Variants in GLUD1 observed in about 807,000 individuals in gnomAD.
The protein encoded by GLUD1 is glutamate dehydrogenase 1.
In GLUD1, 22 loss-of-function variants were observed where a neutral mutation model predicts 56.0. The observed-to-expected ratio is 0.39, with a 90% CI of 0.28 to 0.56. GLUD1 has a LOEUF of 0.56. Among genes scored for constraint, GLUD1 ranks in the 20% least tolerant of loss-of-function variants. The probability of loss-of-function intolerance (pLI) is 0.58; values close to 1 mark genes in which losing one functional copy is unlikely to be tolerated. For synonymous variants in GLUD1, 223 were observed against 269.9 expected, an observed-to-expected ratio of 0.83 and a Z score of 1.70; for missense variants, 451 against 732.0, an observed-to-expected ratio of 0.62 and a Z score of 4.43.
rs1033930681 is a variant in GLUD1 at position 87,051,835 on chromosome 10, T to A, written c.1593A>T (p.Gly531=). 6 of 1,614,074 alleles carry A rather than the reference T, an allele frequency of 3.7e-6. No individual in the cohort carries two copies. The Admixed American group carries it at 8.3e-5, about 22-fold the overall frequency. ...IMRTAMKYNL[G]LDLRTAAYVN... The stretch of plus-strand genomic sequence containing the variant: ...CATAGGCAGCTGTTCTCAGGTCCAA[T>A]CCCAGGTTATACTTCATGGCTGTGC... Residue 531 remains glycine (G), a synonymous_variant, in exon 13 of 13, where the codon GGA becomes GGT. Transcript: ENST00000277865.
intron 1 of GLUD1, among the ~76,000 whole-genome samples, chr10:87,086,125 G>A (rs1233036215): frequency 6.6e-6 from 1 of 152,186 alleles, no homozygotes; most frequent in Non-Finnish European, 1.5e-5. Flanking sequence ...GAATCCTAGG[G>A]AGGGGGAAGT....
chr10:87,094,098 G>A lies in GLUD1; in HGVS notation c.445+227C>T, dbSNP rs968180348. 1.3e-6 allele frequency: 2 copies of A among 1,507,886 alleles called. No homozygotes were observed. The highest frequency in any genetic ancestry group is 2.4e-5 in the South Asian group (2 of 82,348). 93.4% of individuals were successfully genotyped at this position (1,507,886 alleles called of 1,614,324 possible). On this transcript the variant is annotated intron_variant, in intron 1 of 12. Coordinates refer to ENST00000277865, the MANE Select transcript of GLUD1 (RefSeq NM_005271.5). This position sits in a 1 kb window ranked among gnomAD's most constrained non-coding sequence, Gnocchi z 6.6. Reference sequence around the variant, plus strand: ...AAGATCAGCATATACAGAGGCCCGGGGTGACGGCGCGGGGGAGGGGGCAGG... The same window carrying A: ...AAGATCAGCATATACAGAGGCCCGGAGTGACGGCGCGGGGGAGGGGGCAGG...
In GLUD1 at chr10:87,086,321, C is replaced by G. The variant is rs116443411; in HGVS notation, c.445+8004G>C. Among the ~76,000 whole-genome samples the G allele has an allele frequency of 3.0e-3, 451 of 152,306 alleles. 2 individuals are homozygous for G. Among genetic ancestry groups the G allele is most frequent in the African/African-American group, 0.01 (419 of 41,564 alleles). On this transcript the variant is annotated intron_variant, in intron 1 of 12. Transcript: ENST00000277865. The stretch of plus-strand genomic sequence containing the variant: ...CATTTTTTTCTACCAGTCTCTCAGG[C>G]TAGAAATTTTGTGGTTATCTTTGCC...
rs1336874496 is a variant in GLUD1 at position 87,057,798 on chromosome 10, A to G, written c.1403-16T>C. 2.4e-6 allele frequency: 3 copies of G among 1,243,214 alleles called. No homozygotes were observed. Among genetic ancestry groups the G allele is most frequent in the Non-Finnish European group, 3.6e-6 (3 of 842,340 alleles). 77.0% of individuals were successfully genotyped at this position (1,243,214 alleles called of 1,614,324 possible). A position where few individuals can be genotyped will look rare whatever the true frequency, so the allele number is the denominator to read the frequency against. On this transcript the variant is annotated splice_polypyrimidine_tract_variant and intron_variant, in intron 10 of 12. Coordinates refer to ENST00000277865, the MANE Select transcript of GLUD1 (RefSeq NM_005271.5). The stretch of plus-strand genomic sequence containing the variant: ...TGAACAGACACTACAAAAAAATAAC[A>G]AGAGATCAAGATATTGCTAACAGAA...
chr10:87,061,025 T>C lies in GLUD1; in HGVS notation c.949A>G (p.Met317Val), dbSNP rs1167089639. The C allele has an allele frequency of 2.4e-5, 38 of 1,613,764 alleles. 1 individual carries two copies. The Admixed American group carries it at 5.8e-4, about 25-fold the overall frequency. ...GCACCAAAACGATGTAAATATCTCATAGAGTGTAGGCCCACATTACCAAAT... is the reference window on the plus strand; with the variant it reads ...GCACCAAAACGATGTAAATATCTCACAGAGTGTAGGCCCACATTACCAAAT... ...QGFGNVGLHS[M>V]RYLHRFGAKC... The change falls in exon 7 of 13, where the codon ATG becomes GTG. Residue 317 changes from methionine (M) to valine (V), a missense_variant. Met to Val is a conservative substitution (Grantham distance 21). Coordinates refer to ENST00000277865, the MANE Select transcript of GLUD1 (RefSeq NM_005271.5).
Position 87,094,746 on chromosome 10 carries a change from C to T in GLUD1, c.24G>A (p.Ala8=). 6.5e-7 allele frequency: 1 copy of T among 1,533,092 alleles called. No individual in the cohort carries two copies. The allele number at this position is 1,533,092 out of a possible 1,614,324, so 95.0% of individuals were successfully genotyped here. The change falls in exon 1 of 13, where the codon GCG becomes GCA. Residue 8 remains alanine (A), a synonymous_variant. Coordinates refer to ENST00000277865, the MANE Select transcript of GLUD1 (RefSeq NM_005271.5). This position sits in a 1 kb window ranked among gnomAD's most constrained non-coding sequence, Gnocchi z 6.6. MYRYLGE[A]LLLSRAGPAA... is the part of the protein sequence containing the mutation. ...CGGGCCCGGCCCGGGACAGCAACAG[C>T]GCTTCGCCCAGGTAGCGGTACATGG... is the stretch of plus-strand genomic sequence containing the variant.
In GLUD1 at chr10:87,061,072, A is replaced by G; in HGVS notation, c.922-20T>C. 1 of 1,610,080 alleles carries G rather than the reference A, an allele frequency of 6.2e-7. No individual in the cohort carries two copies. The highest frequency in any genetic ancestry group is 8.5e-7 in the Non-Finnish European group (1 of 1,176,348). ...AAATCCCTGTGAAGAACAATTACCC[A>G]TAACACAAAAATTAAAGTCCTGGTA... On this transcript the variant is annotated intron_variant, in intron 6 of 12. Transcript: ENST00000277865.
At chr10:87,054,418 A>G (rs1297196783) in intron 11 of GLUD1, among the ~76,000 whole-genome samples, 1 of 152,202 alleles carries the variant, frequency 6.6e-6, no homozygotes, top group East Asian at 1.9e-4. Context: ...TTGAGAAGAA[A>G]TGTTTAGTGA....
chr10:87,076,027 A>C lies in GLUD1; in HGVS notation c.527-4T>G, dbSNP rs779153065. On this transcript the variant is annotated splice_region_variant and splice_polypyrimidine_tract_variant and intron_variant, in intron 2 of 12. Coordinates refer to ENST00000277865, the MANE Select transcript of GLUD1 (RefSeq NM_005271.5). Reference sequence around the variant, plus strand: ...TTAGCACCCCCAAACGGCACATCTGAAAGAGAAGGCTGATGGTTGCTATTC... The same window carrying C: ...TTAGCACCCCCAAACGGCACATCTGCAAGAGAAGGCTGATGGTTGCTATTC... 3.8e-6 allele frequency: 6 copies of C among 1,594,312 alleles called. No individual in the cohort carries two copies. In the Admixed American group the frequency reaches 1.0e-4, roughly 27 times the overall value.
At chr10:87,092,276 T>A (rs1841526778) in intron 1 of GLUD1, among the ~76,000 whole-genome samples, 1 of 152,222 alleles carries the variant, frequency 6.6e-6, no homozygotes, top group Admixed American at 6.5e-5. Flanking sequence ...TCTTCCCCAA[T>A]CCAGAAAGCC....
intron 6 of GLUD1, among the ~76,000 whole-genome samples, chr10:87,061,872 CT>C (rs1845945510): frequency 6.6e-6 from 1 of 152,162 alleles, no homozygotes; most frequent in Non-Finnish European, 1.5e-5. Flanking sequence ...CAAGCTCCAC[CT>C]CCCGGGTTCA....
chr10:87,060,278 C>A (rs1321203098), intron 8 of GLUD1, 37 bp from the exon 9 acceptor site: 1 of 1,369,394 alleles, frequency 7.3e-7, no homozygotes, highest in Non-Finnish European at 1.0e-6. Flanking sequence ...AATGCGAACA[C>A]CACCGTCAAA....
intron 5 of GLUD1, 148 bp downstream of exon 5, chr10:87,067,915 C>T: frequency 1.5e-6 from 1 of 662,736 alleles, no homozygotes; most frequent in Non-Finnish European, 2.8e-6. Flanking sequence ...TAAGAATAGA[C>T]AAGTAGACAT....
chr10:87,080,063 G>T (rs1026221879), intron 1 of GLUD1, among the ~76,000 whole-genome samples: 1 of 151,704 alleles, frequency 6.6e-6, no homozygotes, highest in Non-Finnish European at 1.5e-5. Flanking sequence ...TCAGCCTGCC[G>T]AGTGCCTGCG....
Position 87,060,778 on chromosome 10 carries a change from T to G in GLUD1, c.1107A>C (p.Gly369=). 6.2e-7 allele frequency: 1 copy of G among 1,614,234 alleles called. No individual in the cohort carries two copies. Among genetic ancestry groups the G allele is most frequent in the Non-Finnish European group, 8.5e-7 (1 of 1,180,040 alleles). ...LGFPKAKPYE[G]SILEADCDIL... ...TGTCACAGTCGGCCTCCAAGATGCT[T>G]CCTTCATAGGGCTTTGCCTTGGGGA... is the stretch of plus-strand genomic sequence containing the variant. Residue 369 remains glycine (G), a synonymous_variant, in exon 8 of 13, where the codon GGA becomes GGC. Transcript: ENST00000277865.
At chr10:87,059,031 T>C in intron 10 of GLUD1, 119 bp downstream of exon 10, 1 of 1,195,442 alleles carries the variant, frequency 8.4e-7, no homozygotes, top group East Asian at 2.3e-5. Flanking sequence ...CAAAATATTA[T>C]TTTCTTTTCT....
intron 2 of GLUD1, among the ~76,000 whole-genome samples, chr10:87,076,325 T>C (rs1229940809): frequency 1.3e-5 from 2 of 152,146 alleles, no homozygotes; most frequent in African/African-American, 2.4e-5. Flanking sequence ...TTACAGAATG[T>C]GTTGAGGAAT....
At chr10:87,084,666 A>G (rs1236975313) in intron 1 of GLUD1, among the ~76,000 whole-genome samples, 2 of 152,206 alleles carry the variant, frequency 1.3e-5, no homozygotes, top group Non-Finnish European at 2.9e-5. Context: ...GGTTCTCTTA[A>G]TAGGGTTTGA....
At position 87,094,089 on chromosome 10, in the gene GLUD1, G is replaced by A; in HGVS notation, c.445+236C>T. On this transcript the variant is annotated intron_variant, in intron 1 of 12. Transcript: ENST00000277865. The surrounding 1 kb of genome is among the most constrained non-coding windows in gnomAD (Gnocchi z 6.6). ...TCTGCATGCAAGATCAGCATATACA[G>A]AGGCCCGGGGTGACGGCGCGGGGGA... 2 of 1,507,452 alleles carry A rather than the reference G, an allele frequency of 1.3e-6. No homozygotes were observed. The highest frequency in any genetic ancestry group is 8.8e-7 in the Non-Finnish European group (1 of 1,131,070). 93.4% of individuals were successfully genotyped at this position (1,507,452 alleles called of 1,614,324 possible). A position where few individuals can be genotyped will look rare whatever the true frequency, so the allele number is the denominator to read the frequency against.
Sources: gnomAD v4.1 joint callset for allele counts (sites outside exome capture counted in the v4.1 genomes callset) on GRCh38, gnomAD v4.1.1 for gene constraint, Gnocchi (gnomAD v3.1) non-coding constraint, MANE v1.5 for transcripts, NCBI Gene and HGNC (gene_info 2026-07-23, HGNC 2026-07-21) for gene names.